ATP6V1D: variants seen among roughly 807,000 people sequenced by gnomAD.
The protein encoded by ATP6V1D is ATPase H+ transporting V1 subunit D, also known as V-type proton ATPase subunit D.
A neutral mutation model predicts 39.4 loss-of-function variants in ATP6V1D; 20 were observed. The ratio of observed to expected loss-of-function variants is 0.51; its 90% CI spans 0.36 to 0.74. The LOEUF (loss-of-function observed/expected upper bound fraction) is 0.74. Among genes scored for constraint, ATP6V1D ranks in the 30% least tolerant of loss-of-function variants. ATP6V1D has a pLI of 0.00. For missense variants in ATP6V1D, 228 were observed against 291.6 expected, an observed-to-expected ratio of 0.78 and a Z score of 1.59; for synonymous variants, 100 against 100.5, an observed-to-expected ratio of 0.99 and a Z score of 0.03.
intron 7 of ATP6V1D, among the ~76,000 whole-genome samples, chr14:67,342,422 A>G (rs1428860851): frequency 6.6e-6 from 1 of 151,516 alleles, no homozygotes; most frequent in Non-Finnish European, 1.5e-5. Flanking sequence ...TATTTTAAAT[A>G]TAGTAGCAAT....
At chr14:67,351,434 C>A (rs1300049150) in intron 2 of ATP6V1D, among the ~76,000 whole-genome samples, 1 of 152,128 alleles carries the variant, frequency 6.6e-6, no homozygotes, top group Non-Finnish European at 1.5e-5. Flanking sequence ...CTTTTCTAAG[C>A]CTTATATGTA....
intron 7 of ATP6V1D, among the ~76,000 whole-genome samples, chr14:67,340,848 A>T (rs1476848655): frequency 2.6e-5 from 4 of 152,036 alleles, no homozygotes; most frequent in African/African-American, 9.7e-5. Context: ...TGGTTTTCGT[A>T]TTTTTTTGGT....
intron 5 of ATP6V1D, 94 bp downstream of exon 5, chr14:67,347,315 C>T (rs180760261): frequency 5.4e-4 from 544 of 1,000,300 alleles, no homozygotes; most frequent in Non-Finnish European, 7.8e-4. Context: ...AGGAACCTCT[C>T]AACATCTAGC....
intron 2 of ATP6V1D, among the ~76,000 whole-genome samples, chr14:67,351,382 C>G (rs184085521): frequency 1.6e-3 from 241 of 152,226 alleles, no homozygotes; most frequent in African/African-American, 5.6e-3. Flanking sequence ...TGTAAAGCAA[C>G]AAAAGAAAAT....
rs772067354 is a variant in ATP6V1D, at chr14:67,352,993, C to A, written c.89G>T (p.Arg30Leu). Residue 30 changes from arginine to leucine, a missense_variant, in exon 2 of 9, where the codon CGA becomes CTA. Around this residue, in one of 3 missense-constraint regions of ATP6V1D, gnomAD observed 104 missense variants for 120.2 expected, o/e 0.87. Transcript: ENST00000216442. The stretch of plus-strand genomic sequence containing the variant: ...ATCAGATTTTTTCTTCAGGAGGTTT[C>A]GACCTGTCTGTGCTCCCTTTAAACG... ...KARLKGAQTG[R>L]NLLKKKSDAL... The A allele has an allele frequency of 9.9e-6, 16 of 1,613,884 alleles. No individual in the cohort carries two copies. Among genetic ancestry groups the A allele is most frequent in the East Asian group, 6.7e-5 (3 of 44,886 alleles).
At chr14:67,345,974 T>C (rs2085617073) in intron 5 of ATP6V1D, 103 bp from the exon 6 acceptor site, 1 of 726,252 alleles carries the variant, frequency 1.4e-6, no homozygotes, top group Non-Finnish European at 2.3e-6. Flanking sequence ...TATGGAAAGA[T>C]GAATTCACTA....
chr14:67,355,666 A>C (rs908056800), intron 1 of ATP6V1D, among the ~76,000 whole-genome samples: 1 of 151,944 alleles, frequency 6.6e-6, no homozygotes, highest in Admixed American at 6.6e-5. Flanking sequence ...TCAGGCAGGA[A>C]AAAGAGCTAA....
Position 67,343,424 on chromosome 14 carries a change from A to C in ATP6V1D, c.471T>G (p.Thr157=). 2 of 1,608,014 alleles carry C rather than the reference A, an allele frequency of 1.2e-6. No homozygotes were observed. Among genetic ancestry groups the C allele is most frequent in the Non-Finnish European group, 1.7e-6 (2 of 1,174,782 alleles). Residue 157 remains threonine, a synonymous_variant, in exon 7 of 9, where the codon ACT becomes ACG. Coordinates refer to ENST00000216442, the MANE Select transcript of ATP6V1D (RefSeq NM_015994.4). The stretch of plus-strand genomic sequence containing the variant: ...TGGTTATCTTAATAGCTTCATCCAA[A>C]GTAACAAAAGAAGTCTAAAATAAGA... The part of the protein sequence containing the change: ...ELASLQTSFV[T]LDEAIKITNR...
At chr14:67,345,427 C>T (rs1351713349) in intron 6 of ATP6V1D, among the ~76,000 whole-genome samples, 4 of 151,438 alleles carry the variant, frequency 2.6e-5, no homozygotes, top group Non-Finnish European at 5.9e-5. Context: ...CATGGTGGCA[C>T]ATGTCTGTAA....
At chr14:67,346,490 T>C (rs2141100045) in intron 5 of ATP6V1D, among the ~76,000 whole-genome samples, 1 of 152,254 alleles carries the variant, frequency 6.6e-6, no homozygotes. Context: ...TTTTGTAACT[T>C]TTTGGGTGGA....
At chr14:67,357,675 T>C (rs1396992399) in intron 1 of ATP6V1D, among the ~76,000 whole-genome samples, 1 of 152,168 alleles carries the variant, frequency 6.6e-6, no homozygotes, top group Non-Finnish European at 1.5e-5. Context: ...AAACCACTGA[T>C]AGTAGGGGAA....
chr14:67,344,222 G>C (rs2085605069), intron 6 of ATP6V1D, among the ~76,000 whole-genome samples: 1 of 152,110 alleles, frequency 6.6e-6, no homozygotes. Flanking sequence ...GGACAACTTG[G>C]GTATGAGGAG....
At chr14:67,341,319 G>A (rs1030435699) in intron 7 of ATP6V1D, among the ~76,000 whole-genome samples, 2 of 151,684 alleles carry the variant, frequency 1.3e-5, no homozygotes, top group African/African-American at 4.9e-5. Context: ...GTCTCTGCCC[G>A]GCCACCCCGT....
At chr14:67,341,097 C>T (rs1243438485) in intron 7 of ATP6V1D, among the ~76,000 whole-genome samples, 1 of 152,226 alleles carries the variant, frequency 6.6e-6, no homozygotes, top group Non-Finnish European at 1.5e-5. Flanking sequence ...AGCCGCCACC[C>T]GGTCTGGGAA....
At chr14:67,350,081 A>T (rs1014740835) in intron 3 of ATP6V1D, among the ~76,000 whole-genome samples, 1 of 152,254 alleles carries the variant, frequency 6.6e-6, no homozygotes, top group African/African-American at 2.4e-5. Context: ...AACATATGTA[A>T]ATTGGCATAA....
At chr14:67,347,624 C>T (rs2085628960) in intron 4 of ATP6V1D, among the ~76,000 whole-genome samples, 171 bp from the exon 5 acceptor site, 1 of 151,900 alleles carries the variant, frequency 6.6e-6, no homozygotes, top group Non-Finnish European at 1.5e-5. Flanking sequence ...GGTCAGCCTC[C>T]TGAATAGGTG....
Position 67,338,526 on chromosome 14 carries a change from G to T in ATP6V1D, c.*95C>A. On this transcript the variant is annotated 3_prime_UTR_variant, in exon 9 of 9. Transcript: ENST00000216442. ...ATTTTACAACCAGTGAAATTCTTAG[G>T]CCAAAAAATAAATAGCCACACAAAT... The T allele has an allele frequency of 7.5e-7, 1 of 1,325,342 alleles. No homozygotes were observed. The highest frequency in any genetic ancestry group is 1.0e-6 in the Non-Finnish European group (1 of 995,498). 82.1% of individuals were successfully genotyped at this position (1,325,342 alleles called of 1,614,324 possible).
rs1566594037 is a variant in ATP6V1D, at chr14:67,338,036, A to G, written c.*585T>C. 6.6e-6 allele frequency: 1 copy of G among 152,302 alleles called. No homozygotes were observed. The highest frequency in any genetic ancestry group is 1.5e-5 in the Non-Finnish European group (1 of 68,094). The allele number at this position is 152,302 out of a possible 1,614,324, so 9.4% of individuals were successfully genotyped here. A position where few individuals can be genotyped will look rare whatever the true frequency, so the allele number is the denominator to read the frequency against. ...ACACTACTGATCTGAGCATGAGAACATGACTTAACAGTAAATTAATAAAAA... is the reference window on the plus strand; with the variant it reads ...ACACTACTGATCTGAGCATGAGAACGTGACTTAACAGTAAATTAATAAAAA... On this transcript the variant is annotated 3_prime_UTR_variant, in exon 9 of 9. Coordinates refer to ENST00000216442, the MANE Select transcript of ATP6V1D (RefSeq NM_015994.4).
intron 1 of ATP6V1D, among the ~76,000 whole-genome samples, chr14:67,354,935 T>A (rs2085675971): frequency 6.6e-6 from 1 of 152,168 alleles, no homozygotes; most frequent in African/African-American, 2.4e-5. Context: ...TGCCTCAGCA[T>A]CCCGAGTAGC....
Sources: allele counts gnomAD v4.1 joint callset (sites outside exome capture counted in the v4.1 genomes callset), GRCh38; gene constraint gnomAD v4.1.1; regional missense constraint gnomAD v4.1.1; transcripts MANE v1.5; gene names NCBI Gene and HGNC (gene_info 2026-07-23, HGNC 2026-07-21).